Variants in VPS53 observed in about 807,000 individuals in gnomAD.
VPS53 encodes vacuolar protein sorting-associated protein 53 homolog.
Under a neutral mutation model 107.0 loss-of-function variants are expected in VPS53, and 70 were observed. That is an observed-to-expected ratio of 0.65 (90% CI 0.54 to 0.80). The LOEUF is 0.80. VPS53 is among the 30% of genes least tolerant of loss of function. The pLI is 0.00. For missense variants in VPS53, 917 were observed against 1,049.4 expected (o/e 0.87, Z 1.74); for synonymous variants, 409 against 393.3 (o/e 1.04, Z -0.47).
At chr17:575,650 C>T (rs770938305) in intron 13 of VPS53, among the ~76,000 whole-genome samples, 2 of 151,944 alleles carry the variant, frequency 1.3e-5, no homozygotes, top group Non-Finnish European at 2.9e-5. Context: ...CAGAGAAATT[C>T]CCTCAGGATC....
At chr17:582,967 G>A (rs1035414208) in intron 13 of VPS53, among the ~76,000 whole-genome samples, 5 of 148,134 alleles carry the variant, frequency 3.4e-5, no homozygotes, top group South Asian at 2.2e-4. Context: ...AACCTAATGC[G>A]TTCCTAGAGA....
rs933407953 is a variant in VPS53 at position 514,962 on chromosome 17, C to T, written c.*4166G>A. ...CAGAACACCTTGTCCATTGCGGCTC[C>T]TGTTTCATTGTTAAGAGTCCACACA... On this transcript the variant is annotated 3_prime_UTR_variant, in exon 22 of 22. Transcript: ENST00000437048. The T allele has an allele frequency of 6.6e-6, 1 of 152,178 alleles. No individual in the cohort carries two copies. Among genetic ancestry groups the T allele is most frequent in the Non-Finnish European group, 1.5e-5 (1 of 68,050 alleles). 9.4% of individuals were successfully genotyped at this position (152,178 alleles called of 1,614,324 possible). A position where few individuals can be genotyped will look rare whatever the true frequency, so the allele number is the denominator to read the frequency against.
chr17:532,992 C>T, intron 18 of VPS53, 81 bp from the exon 19 acceptor site: 1 of 1,525,306 alleles, frequency 6.6e-7, no homozygotes, highest in Non-Finnish European at 8.9e-7. Context: ...TTCCACGTAT[C>T]TCCATGAAAA....
intron 13 of VPS53, among the ~76,000 whole-genome samples, chr17:568,095 T>C (rs60879573): frequency 0.081 from 12,392 of 152,142 alleles, 732 homozygotes; most frequent in East Asian, 0.3. Flanking sequence ...GCCATTTCTC[T>C]GGTGGGCCTG....
chr17:680,964 T>C (rs758598874), intron 4 of VPS53, among the ~76,000 whole-genome samples: 3 of 152,228 alleles, frequency 2.0e-5, no homozygotes, highest in Non-Finnish European at 4.4e-5. Context: ...TCTACTGACA[T>C]ATACCAATGT....
intron 7 of VPS53, chr17:632,867 C>T (rs368365285): frequency 2.2e-4 from 92 of 420,764 alleles, no homozygotes; most frequent in Middle Eastern, 1.0e-3. Context: ...CCAACAAGCT[C>T]GTTAAGTTTT....
At position 618,601 on chromosome 17, in the gene VPS53, C is replaced by T. The variant is rs548866649; in HGVS notation, c.1116+4932G>A. Among the ~76,000 whole-genome samples the T allele has an allele frequency of 3.8e-3, 570 of 151,992 alleles. 1 individual carries two copies. Among genetic ancestry groups the T allele is most frequent in the Non-Finnish European group, 6.5e-3 (443 of 67,958 alleles). On this transcript the variant is annotated intron_variant, in intron 11 of 21. Coordinates refer to ENST00000437048, the MANE Select transcript of VPS53 (RefSeq NM_001128159.3). ...AGGTAGCTGGGACTACAGGCATGCACCACCATGCCCAGCTAATATTTCCCG... is the reference window on the plus strand; with the variant it reads ...AGGTAGCTGGGACTACAGGCATGCATCACCATGCCCAGCTAATATTTCCCG...
chr17:602,364 G>C (rs1485056017), intron 11 of VPS53, among the ~76,000 whole-genome samples: 2 of 152,198 alleles, frequency 1.3e-5, no homozygotes, highest in East Asian at 3.8e-4. Context: ...CATGTAGCAG[G>C]TCCTCAGTAA....
intron 13 of VPS53, among the ~76,000 whole-genome samples, chr17:577,824 A>G (rs990307514): frequency 2.6e-5 from 4 of 151,610 alleles, no homozygotes; most frequent in Admixed American, 2.0e-4. Flanking sequence ...ATGCATTCCC[A>G]GAGAACCTCC....
intron 9 of VPS53, among the ~76,000 whole-genome samples, chr17:627,575 G>C (rs1969767940): frequency 6.6e-6 from 1 of 152,112 alleles, no homozygotes; most frequent in Admixed American, 6.5e-5. Context: ...GTCAGTTCGA[G>C]ACCAGCCTGA....
intron 3 of VPS53, among the ~76,000 whole-genome samples, chr17:698,295 T>TG (rs1339587119): frequency 1.3e-5 from 2 of 152,034 alleles, no homozygotes; most frequent in African/African-American, 4.8e-5. Context: ...TAGCTGGGCA[T>TG]GGTGGTGCAT....
chr17:612,958 C>A (rs1444671930), intron 11 of VPS53, among the ~76,000 whole-genome samples: 2 of 149,374 alleles, frequency 1.3e-5, no homozygotes, highest in Non-Finnish European at 3.0e-5. Context: ...AGTGAATTCA[C>A]ACAGTGAAAA....
chr17:519,038 AGAG>A lies in VPS53; in HGVS notation c.*87_*89del. Reference sequence around the variant, plus strand: ...AGGAAGTTTGAAGACCGACGATGTGAGAGTGCCGGGGAGCACAGGAGAGGTTGG... The same window carrying A: ...AGGAAGTTTGAAGACCGACGATGTGATGCCGGGGAGCACAGGAGAGGTTGG... On this transcript the variant is annotated 3_prime_UTR_variant, in exon 22 of 22. Coordinates refer to ENST00000437048, the MANE Select transcript of VPS53 (RefSeq NM_001128159.3). The surrounding 1 kb of genome is among the most constrained non-coding windows in gnomAD (Gnocchi z 5.0). 8 of 1,356,798 alleles carry A rather than the reference AGAG, an allele frequency of 5.9e-6. No individual in the cohort carries two copies. In the Admixed American group the frequency reaches 9.4e-5, roughly 16 times the overall value. The allele number at this position is 1,356,798 out of a possible 1,614,324, so 84.0% of individuals were successfully genotyped here.
chr17:642,734 T>A (rs1191513474), intron 7 of VPS53, among the ~76,000 whole-genome samples: 1 of 149,362 alleles, frequency 6.7e-6, no homozygotes, highest in Non-Finnish European at 1.5e-5. Context: ...CACTCATACT[T>A]GGAAAGCGAG....
At chr17:576,230 C>T (rs987427036) in intron 13 of VPS53, among the ~76,000 whole-genome samples, 2 of 151,578 alleles carry the variant, frequency 1.3e-5, no homozygotes, top group Admixed American at 6.6e-5. Context: ...TCTCTCAGAA[C>T]CTAATGTGTT....
chr17:612,535 T>C (rs1256028252), intron 11 of VPS53, among the ~76,000 whole-genome samples: 2 of 141,420 alleles, frequency 1.4e-5, no homozygotes, highest in Non-Finnish European at 3.0e-5. Context: ...AATATTCACA[T>C]AGTGAGTTCA....
In VPS53 at chr17:681,426, C is replaced by T. The variant is rs577251206; in HGVS notation, c.285+15992G>A. 5.3e-5 allele frequency among the ~76,000 whole-genome samples: 8 copies of T among 152,342 alleles called. No homozygotes were observed. In the East Asian group the frequency reaches 5.8e-4, roughly 11 times the overall value. ...CTGGGATTCCAGGCGTGAGCCACTG[C>T]GCCCGGCCTACAAAACAAATTTCTT... is the stretch of plus-strand genomic sequence containing the variant. On this transcript the variant is annotated intron_variant, in intron 4 of 21. Coordinates refer to ENST00000437048, the MANE Select transcript of VPS53 (RefSeq NM_001128159.3).
chr17:582,463 A>C (rs1967078540), intron 13 of VPS53, among the ~76,000 whole-genome samples: 1 of 146,346 alleles, frequency 6.8e-6, no homozygotes, highest in African/African-American at 2.5e-5. Flanking sequence ...TTCCCAAAGA[A>C]CCTCCCTCAG....
chr17:509,051 A>C lies in VPS53; in HGVS notation c.*10077T>G, dbSNP rs1174122337. On this transcript the variant is annotated 3_prime_UTR_variant, in exon 22 of 22. Coordinates refer to ENST00000437048, the MANE Select transcript of VPS53 (RefSeq NM_001128159.3). The stretch of plus-strand genomic sequence containing the variant: ...GGATGTTGGAATGAAGGCTGGAGCC[A>C]AATCCTGGCTCGCCCCCTTACTAGT... 1.3e-5 allele frequency: 2 copies of C among 152,226 alleles called. No homozygotes were observed. Among genetic ancestry groups the C allele is most frequent in the African/African-American group, 2.4e-5 (1 of 41,356 alleles). The allele number at this position is 152,226 out of a possible 1,614,324, so 9.4% of individuals were successfully genotyped here.
Sources: allele counts gnomAD v4.1 joint callset (sites outside exome capture counted in the v4.1 genomes callset), GRCh38; gene constraint gnomAD v4.1.1; non-coding constraint Gnocchi (gnomAD v3.1); transcripts MANE v1.5; gene names NCBI Gene and HGNC (gene_info 2026-07-23, HGNC 2026-07-21).